Variants in GALNTL6 observed in about 807,000 individuals in gnomAD.
GALNTL6 encodes polypeptide N-acetylgalactosaminyltransferase-like 6.
Under a neutral mutation model 73.7 loss-of-function variants are expected in GALNTL6, and 46 were observed. That is an observed-to-expected ratio of 0.62 (90% CI 0.49 to 0.80). GALNTL6 has a LOEUF of 0.80. Ranked by LOEUF, GALNTL6 falls within the 30% of genes least tolerant of loss-of-function variation. GALNTL6 has a pLI of 0.00. For missense variants in GALNTL6, 604 were observed against 755.0 expected (o/e 0.80, Z 2.34); for synonymous variants, 259 against 263.7 (o/e 0.98, Z 0.17).
intron 5 of GALNTL6, among the ~76,000 whole-genome samples, chr4:172,426,266 C>T (rs879543701): frequency 2.0e-5 from 3 of 151,954 alleles, no homozygotes; most frequent in Admixed American, 6.6e-5. Context: ...ATATATTTAG[C>T]TATTCAATGA....
At chr4:171,951,150 T>G in intron 2 of GALNTL6, among the ~76,000 whole-genome samples, 1 of 151,594 alleles carries the variant, frequency 6.6e-6, no homozygotes, top group East Asian at 1.9e-4. Context: ...CAATTAAACA[T>G]GAGAAATAGA....
chr4:172,818,230 T>C (rs558245530), intron 7 of GALNTL6, among the ~76,000 whole-genome samples: 27 of 152,222 alleles, frequency 1.8e-4, no homozygotes, highest in Admixed American at 1.2e-3. Context: ...CTGTCAACTA[T>C]AAAAATCAAG....
intron 2 of GALNTL6, among the ~76,000 whole-genome samples, chr4:172,218,868 A>T (rs994384915): frequency 6.6e-6 from 1 of 151,970 alleles, no homozygotes; most frequent in Non-Finnish European, 1.5e-5. Context: ...ATGAAGTGAT[A>T]CATTTGTGAT....
At chr4:172,747,675 A>G (rs1227708066) in intron 5 of GALNTL6, among the ~76,000 whole-genome samples, 2 of 152,142 alleles carry the variant, frequency 1.3e-5, no homozygotes, top group Non-Finnish European at 2.9e-5. Context: ...GATATATACC[A>G]AAGGAATTGA....
At chr4:172,780,611 T>G (rs1485202291) in intron 5 of GALNTL6, among the ~76,000 whole-genome samples, 1 of 152,228 alleles carries the variant, frequency 6.6e-6, no homozygotes, top group Non-Finnish European at 1.5e-5. Flanking sequence ...CATTTTTTCC[T>G]GGCCGCTTAG....
intron 5 of GALNTL6, among the ~76,000 whole-genome samples, chr4:172,793,483 G>T (rs1337844158): frequency 2.0e-5 from 3 of 152,132 alleles, no homozygotes; most frequent in African/African-American, 7.2e-5. Flanking sequence ...ACTCACTGCA[G>T]TCCCTTCCAT....
intron 10 of GALNTL6, among the ~76,000 whole-genome samples, chr4:172,959,966 C>T (rs62341880): frequency 1.3e-5 from 2 of 152,116 alleles, no homozygotes; most frequent in East Asian, 3.9e-4. Context: ...CTCAGAAATA[C>T]ATTGCTACTT....
At chr4:172,595,108 A>T (rs993962489) in intron 5 of GALNTL6, among the ~76,000 whole-genome samples, 8 of 152,068 alleles carry the variant, frequency 5.3e-5, no homozygotes, top group Non-Finnish European at 1.2e-4. Flanking sequence ...TGAGAGTTTC[A>T]CCTCCATGAT....
intron 2 of GALNTL6, among the ~76,000 whole-genome samples, chr4:172,174,433 G>A (rs1734929909): frequency 6.6e-6 from 1 of 151,914 alleles, no homozygotes; most frequent in Non-Finnish European, 1.5e-5. Context: ...TCCTTGATGT[G>A]CACTGCATGA....
intron 2 of GALNTL6, among the ~76,000 whole-genome samples, chr4:172,212,962 C>T (rs747165483): frequency 1.6e-4 from 25 of 152,158 alleles, no homozygotes; most frequent in African/African-American, 5.1e-4. Context: ...TGAGCCACCA[C>T]GCCCGGCCAA....
chr4:172,039,909 C>T (rs915905962), intron 2 of GALNTL6, among the ~76,000 whole-genome samples: 15 of 151,766 alleles, frequency 9.9e-5, no homozygotes, highest in Admixed American at 5.3e-4. Flanking sequence ...TGCTTACTTT[C>T]GCTGTGAGAA....
At chr4:172,147,486 T>C (rs968730141) in intron 2 of GALNTL6, among the ~76,000 whole-genome samples, 2 of 152,214 alleles carry the variant, frequency 1.3e-5, no homozygotes, top group Admixed American at 1.3e-4. Context: ...TGAAAGCATA[T>C]GTGAAGTACA....
chr4:172,326,470 A>G, intron 4 of GALNTL6, among the ~76,000 whole-genome samples: 1 of 151,970 alleles, frequency 6.6e-6, no homozygotes, highest in East Asian at 1.9e-4. Context: ...ATATCCTAGT[A>G]ATATTCTTTG....
chr4:172,973,789 C>T (rs1750684840), intron 10 of GALNTL6, among the ~76,000 whole-genome samples: 1 of 152,164 alleles, frequency 6.6e-6, no homozygotes, highest in South Asian at 2.1e-4. Context: ...TTCACGCTTT[C>T]TCTCTCCCTC....
At chr4:172,162,478 CATTT>C (rs1180004711) in intron 2 of GALNTL6, among the ~76,000 whole-genome samples, 3 of 151,744 alleles carry the variant, frequency 2.0e-5, no homozygotes, top group East Asian at 1.9e-4. Context: ...AAAGAGGGGA[CATTT>C]ATTTATTTAT....
rs28451636 is a variant in GALNTL6, at chr4:172,186,462, A to G, written c.139-43194A>G. On this transcript the variant is annotated intron_variant, in intron 2 of 12. Transcript: ENST00000506823. ...ATAAAAAATTGGAAATCAAACAACT[A>G]TTTGTGCACCTGCACTAATCACAAT... Among the ~76,000 whole-genome samples the G allele has an allele frequency of 4.4e-3, 664 of 152,264 alleles. 6 individuals carry two copies. The highest frequency in any genetic ancestry group is 0.015 in the African/African-American group (642 of 41,564).
At chr4:171,853,939 T>C (rs1391175499) in intron 2 of GALNTL6, among the ~76,000 whole-genome samples, 1 of 152,152 alleles carries the variant, frequency 6.6e-6, no homozygotes, top group Non-Finnish European at 1.5e-5. Flanking sequence ...TGTCTCTTTC[T>C]TTCTTTTCAT....
At chr4:172,291,854 T>C (rs966465208) in intron 3 of GALNTL6, among the ~76,000 whole-genome samples, 1 of 152,038 alleles carries the variant, frequency 6.6e-6, no homozygotes, top group Non-Finnish European at 1.5e-5. Context: ...GCAATGGCTA[T>C]TTTAGGAGAG....
intron 2 of GALNTL6, among the ~76,000 whole-genome samples, chr4:171,946,452 C>A (rs1409548145): frequency 6.6e-6 from 1 of 152,130 alleles, no homozygotes; most frequent in African/African-American, 2.4e-5. Context: ...CTCTCCTTAA[C>A]CAGCCAGTTC....
Sources: allele counts gnomAD v4.1 joint callset (sites outside exome capture counted in the v4.1 genomes callset), GRCh38; gene constraint gnomAD v4.1.1; transcripts MANE v1.5; gene names NCBI Gene and HGNC (gene_info 2026-07-23, HGNC 2026-07-21).